PRKCH: variants seen among roughly 807,000 people sequenced by gnomAD.
PRKCH encodes the protein protein kinase C eta.
In PRKCH, 28 loss-of-function variants were observed where a neutral mutation model predicts 82.5. The observed-to-expected ratio is 0.34, with a 90% CI of 0.25 to 0.47. The LOEUF is 0.47. Among genes scored for constraint, PRKCH ranks in the 20% least tolerant of loss-of-function variants. The pLI is 1.00. For missense variants in PRKCH, 705 were observed against 881.8 expected (o/e 0.80, Z 2.54); for synonymous variants, 322 against 327.4 (o/e 0.98, Z 0.18).
chr14:61,234,587 T>C (rs1252930685), intron 1 of PRKCH, among the ~76,000 whole-genome samples: 1 of 152,220 alleles, frequency 6.6e-6, no homozygotes, highest in Non-Finnish European at 1.5e-5. Flanking sequence ...ATATTTTAAT[T>C]GCATGTTCCA....
Position 61,280,479 on chromosome 14 carries a change from C to G in PRKCH, c.-19+92811C>G. On this transcript the variant is annotated intron_variant, in intron 1 of 3. Coordinates refer to the PRKCH transcript ENST00000555185. The surrounding 1 kb of genome is among the most constrained non-coding windows in gnomAD (Gnocchi z 5.0). ...GCCGGCGCCAGTTGGGCGGGGGCGC[C>G]GTGCCCTGGAAGGCCAACGCCAGGC... 1.2e-6 allele frequency: 2 copies of G among 1,613,200 alleles called. No individual in the cohort carries two copies. Among genetic ancestry groups the G allele is most frequent in the Non-Finnish European group, 1.7e-6 (2 of 1,179,662 alleles).
chr14:61,517,191 G>A (rs183140377), intron 10 of PRKCH, among the ~76,000 whole-genome samples: 1 of 152,246 alleles, frequency 6.6e-6, no homozygotes. Context: ...CCTGAGGCTG[G>A]TCCCGTAAAT....
At chr14:61,526,036 G>A (rs1225915384) in intron 10 of PRKCH, among the ~76,000 whole-genome samples, 1 of 152,222 alleles carries the variant, frequency 6.6e-6, no homozygotes, top group Non-Finnish European at 1.5e-5. Context: ...GAAAACACTT[G>A]TGGAAGAACT....
intron 1 of PRKCH, among the ~76,000 whole-genome samples, chr14:61,285,183 G>C (rs2045303589): frequency 6.6e-6 from 1 of 152,114 alleles, no homozygotes; most frequent in Admixed American, 6.6e-5. Context: ...GGGACTTAAA[G>C]GTGAAGCTCT....
chr14:61,309,702 C>A (rs1012455190), intron 1 of PRKCH, among the ~76,000 whole-genome samples: 1 of 152,124 alleles, frequency 6.6e-6, no homozygotes, highest in African/African-American at 2.4e-5. Flanking sequence ...CCCCATGCCA[C>A]CCCAAAAGGT....
intron 9 of PRKCH, among the ~76,000 whole-genome samples, chr14:61,475,778 T>C (rs1173443776): frequency 6.6e-6 from 1 of 152,226 alleles, no homozygotes; most frequent in Non-Finnish European, 1.5e-5. Flanking sequence ...TGCTATAAAA[T>C]GTTAAGTATA....
chr14:61,257,608 C>CAG (rs2045009013), intron 1 of PRKCH, among the ~76,000 whole-genome samples: 3 of 49,790 alleles, frequency 6.0e-5, no homozygotes, highest in African/African-American at 1.8e-4. Flanking sequence ...CACACAGACA[C>CAG]ACACACACAC....
intron 10 of PRKCH, among the ~76,000 whole-genome samples, chr14:61,487,232 G>A (rs111898947): frequency 5.9e-5 from 9 of 152,074 alleles, no homozygotes; most frequent in African/African-American, 1.7e-4. Context: ...ACAGCCTCAC[G>A]GCACTGTGCA....
intron 9 of PRKCH, among the ~76,000 whole-genome samples, chr14:61,469,967 A>G (rs960160859): frequency 3.3e-5 from 5 of 151,978 alleles, no homozygotes; most frequent in Admixed American, 2.0e-4. Context: ...TGGGAAGCTT[A>G]TAAGCCTGAA....
intron 10 of PRKCH, among the ~76,000 whole-genome samples, chr14:61,526,742 C>T (rs752735078): frequency 2.6e-5 from 4 of 152,258 alleles, no homozygotes; most frequent in African/African-American, 4.8e-5. Flanking sequence ...ATATGGCACT[C>T]CAGAAAGAGC....
chr14:61,248,690 ATTTTC>A (rs1007535515), intron 1 of PRKCH, among the ~76,000 whole-genome samples: 2 of 152,068 alleles, frequency 1.3e-5, no homozygotes, highest in Non-Finnish European at 2.9e-5. Context: ...CAATGCAAAT[ATTTTC>A]TTTTCTTTTT....
chr14:61,481,467 T>C (rs1390490356), intron 9 of PRKCH, among the ~76,000 whole-genome samples: 2 of 152,236 alleles, frequency 1.3e-5, no homozygotes, highest in Non-Finnish European at 2.9e-5. Flanking sequence ...ACAATTTCTT[T>C]TTGTAGCTGC....
intron 1 of PRKCH, among the ~76,000 whole-genome samples, chr14:61,272,336 TTTTCTTTC>T: frequency 2.4e-5 from 1 of 42,076 alleles, no homozygotes; most frequent in African/African-American, 7.5e-5. Flanking sequence ...TTCTTTTCTT[TTTTCTTTC>T]TTTTTTTTTT....
chr14:61,452,075 A>G (rs1884537048), intron 6 of PRKCH, among the ~76,000 whole-genome samples: 2 of 152,206 alleles, frequency 1.3e-5, no homozygotes, highest in Admixed American at 6.5e-5. Flanking sequence ...GCGCAGAGCC[A>G]TGCATGGGGC....
intron 12 of PRKCH, 52 bp from the exon 13 acceptor site, chr14:61,547,691 G>T: frequency 6.3e-7 from 1 of 1,580,730 alleles, no homozygotes; most frequent in Non-Finnish European, 8.6e-7. Context: ...GTCTTGTGAC[G>T]TGCTGGTTGT....
chr14:61,268,660 G>T (rs1053731959), intron 1 of PRKCH, among the ~76,000 whole-genome samples: 5 of 152,088 alleles, frequency 3.3e-5, no homozygotes, highest in Non-Finnish European at 7.3e-5. Flanking sequence ...AGGGCAAGAC[G>T]CTGCCCCCTG....
At chr14:61,466,782 G>A (rs1288331090) in intron 9 of PRKCH, among the ~76,000 whole-genome samples, 1 of 152,100 alleles carries the variant, frequency 6.6e-6, no homozygotes, top group Non-Finnish European at 1.5e-5. Flanking sequence ...GATGCCGGTC[G>A]CTTTTGCCTC....
chr14:61,352,685 G>GA (rs1214096332), intron 1 of PRKCH, among the ~76,000 whole-genome samples: 3 of 90,362 alleles, frequency 3.3e-5, no homozygotes, highest in African/African-American at 9.1e-5. Context: ...AGAGAGAAAG[G>GA]AAAGGAAAGA....
At chr14:61,459,658 A>G (rs1384315993) in intron 9 of PRKCH, among the ~76,000 whole-genome samples, 1 of 152,220 alleles carries the variant, frequency 6.6e-6, no homozygotes, top group African/African-American at 2.4e-5. Flanking sequence ...GCGATAGGTA[A>G]TATAAGTATC....
Sources: allele counts gnomAD v4.1 joint callset (sites outside exome capture counted in the v4.1 genomes callset), GRCh38; gene constraint gnomAD v4.1.1; non-coding constraint Gnocchi (gnomAD v3.1); transcripts MANE v1.5; gene names NCBI Gene and HGNC (gene_info 2026-07-23, HGNC 2026-07-21).